UGT2A3: variants seen among roughly 807,000 people sequenced by gnomAD.
The protein encoded by UGT2A3 is UDP-glucuronosyltransferase 2A3.
UGT2A3 carries 55 observed loss-of-function variants against 44.1 expected under a neutral mutation model. That is an observed-to-expected ratio of 1.25 (90% CI 1.00 to 1.56). The LOEUF is 1.56. UGT2A3 is among the 40% of genes most tolerant of loss of function. UGT2A3 has a pLI of 0.00. For synonymous variants in UGT2A3, 243 were observed against 215.1 expected, an observed-to-expected ratio of 1.13 and a Z score of -1.13; for missense variants, 733 against 621.6, an observed-to-expected ratio of 1.18 and a Z score of -1.91.
Position 68,951,290 on chromosome 4 carries a change from C to T in UGT2A3, c.471G>A (p.Leu157=). The T allele has an allele frequency of 1.2e-6, 2 of 1,611,892 alleles. No homozygotes were observed. The highest frequency in any genetic ancestry group is 1.7e-6 in the Non-Finnish European group (2 of 1,179,028). Residue 157 remains leucine, a synonymous_variant, in exon 1 of 6, where the codon CTG becomes CTA. Coordinates refer to ENST00000251566, the MANE Select transcript of UGT2A3 (RefSeq NM_024743.4). Reference sequence around the variant, plus strand: ...AAGGGACTGCAAGCAACTCAGCCATCAGGTCTCCACAGGGAATCACAGGGT... The same window carrying T: ...AAGGGACTGCAAGCAACTCAGCCATTAGGTCTCCACAGGGAATCACAGGGT... ...LIDPVIPCGD[L]MAELLAVPFV... is the part of the protein sequence containing the mutation.
intron 2 of UGT2A3, among the ~76,000 whole-genome samples, chr4:68,937,852 A>G (rs1185452993): frequency 6.6e-6 from 1 of 152,126 alleles, no homozygotes; most frequent in African/African-American, 2.4e-5. Flanking sequence ...AAAATCAAAT[A>G]GACACAATAA....
intron 2 of UGT2A3, 38 bp downstream of exon 2, chr4:68,945,268 C>A: frequency 6.2e-7 from 1 of 1,606,456 alleles, no homozygotes; most frequent in South Asian, 1.1e-5. Flanking sequence ...CAAGTCATGT[C>A]ATAAAGTACA....
chr4:68,930,035 G>A lies in UGT2A3; in HGVS notation c.1362C>T (p.Pro454=). The A allele has an allele frequency of 6.2e-7, 1 of 1,613,374 alleles. No individual in the cohort carries two copies. Among genetic ancestry groups the A allele is most frequent in the Non-Finnish European group, 8.5e-7 (1 of 1,179,616 alleles). Residue 454 remains proline, a synonymous_variant, in exon 6 of 6, where the codon CCC becomes CCT. Transcript: ENST00000251566. ...SRIHHDQPVK[P]LDRAVFWIEF... is the part of the protein sequence containing the mutation. ...CGATCCAGAAGACTGCTCGATCTAG[G>A]GGCTTTACAGGTTGATCATGGTGAA...
chr4:68,948,579 C>CT lies in UGT2A3; in HGVS notation c.715+2466dup, dbSNP rs1378108492. 2.6e-5 allele frequency among the ~76,000 whole-genome samples: 4 copies of CT among 151,314 alleles called. No homozygotes were observed. The East Asian group carries it at 7.9e-4, about 30-fold the overall frequency. Reference sequence around the variant, plus strand: ...TCTCCCACCTGAGCCTCCCAAGTTACTGGGATTACAGATATGAATCACTGC... The same window carrying CT: ...TCTCCCACCTGAGCCTCCCAAGTTACTTGGGATTACAGATATGAATCACTGC... On this transcript the variant is annotated intron_variant, in intron 1 of 5. Transcript: ENST00000251566.
At chr4:68,947,871 C>T (rs562184592) in intron 1 of UGT2A3, among the ~76,000 whole-genome samples, 2 of 151,848 alleles carry the variant, frequency 1.3e-5, no homozygotes, top group Non-Finnish European at 2.9e-5. Context: ...TTAAAATATT[C>T]AATAAGCCAT....
Position 68,951,457 on chromosome 4 carries a change from A to C in UGT2A3, c.304T>G (p.Ser102Ala). Residue 102 changes from serine to alanine, a missense_variant, in exon 1 of 6, where the codon TCA becomes GCA. By Grantham distance (99) the Ser-to-Ala change is moderately conservative (BLOSUM62 1). Coordinates refer to ENST00000251566, the MANE Select transcript of UGT2A3 (RefSeq NM_024743.4). ...DLALNVLPGL[S>A]TWQSVIKLND... ...AATTTTATAACTGATTGCCAGGTTG[A>C]TAAGCCTGGCAAGACATTCAGAGCT... 6.2e-7 allele frequency: 1 copy of C among 1,612,348 alleles called. No homozygotes were observed. The highest frequency in any genetic ancestry group is 8.5e-7 in the Non-Finnish European group (1 of 1,179,178).
chr4:68,945,870 A>G (rs573259960), intron 1 of UGT2A3, among the ~76,000 whole-genome samples: 1 of 151,806 alleles, frequency 6.6e-6, no homozygotes, highest in Non-Finnish European at 1.5e-5. Context: ...TGCAGATGAT[A>G]AATGAGTACC....
chr4:68,951,513 C>T lies in UGT2A3; in HGVS notation c.248G>A (p.Arg83Lys), dbSNP rs577150278. Residue 83 changes from arginine to lysine, a missense_variant, in exon 1 of 6, where the codon AGA becomes AAA. Arg to Lys is a conservative substitution (Grantham distance 26, BLOSUM62 2). Transcript: ENST00000251566. ...AACAAATATTTCATTTTCTTCTGTT[C>T]TGTCCTGTGGCATATGGACCACCTC... ...KFEVVHMPQD[R>K]TEENEIFVDL... is the part of the protein sequence containing the mutation. 26 of 1,612,738 alleles carry T rather than the reference C, an allele frequency of 1.6e-5. No homozygotes were observed. Among genetic ancestry groups the T allele is most frequent in the Non-Finnish European group, 2.0e-5 (24 of 1,179,364 alleles).
intron 2 of UGT2A3, among the ~76,000 whole-genome samples, chr4:68,933,824 C>T (rs1577845913): frequency 6.6e-6 from 1 of 151,898 alleles, no homozygotes; most frequent in South Asian, 2.1e-4. Context: ...TAAGTCTTCC[C>T]CAGACAGGAA....
At chr4:68,937,070 T>C (rs1717980780) in intron 2 of UGT2A3, among the ~76,000 whole-genome samples, 1 of 151,924 alleles carries the variant, frequency 6.6e-6, no homozygotes, top group East Asian at 1.9e-4. Context: ...CCCAGATTCA[T>C]AAAGCAAGTC....
Position 68,943,260 on chromosome 4 carries a change from G to A in UGT2A3, c.864+2046C>T, listed in dbSNP as rs543146513. On this transcript the variant is annotated intron_variant, in intron 2 of 5. Coordinates refer to ENST00000251566, the MANE Select transcript of UGT2A3 (RefSeq NM_024743.4). ...AAAACTGGGAGTGTGGGAATAAAGG[G>A]TAGAATGGCATGGGAGATTACCTAG... 89 of 1,127,850 alleles carry A rather than the reference G, an allele frequency of 7.9e-5. 1 individual carries two copies. The East Asian group carries it at 3.8e-3, about 48-fold the overall frequency. 69.9% of individuals were successfully genotyped at this position (1,127,850 alleles called of 1,614,324 possible).
intron 2 of UGT2A3, among the ~76,000 whole-genome samples, chr4:68,934,895 A>T (rs1011892550): frequency 3.9e-5 from 6 of 151,928 alleles, no homozygotes; most frequent in Admixed American, 2.6e-4. Flanking sequence ...CTTAAAAAAA[A>T]GGAAAAAAAT....
rs770227421 is a variant in UGT2A3, at chr4:68,945,356, A to T, written c.814T>A (p.Phe272Ile). The change falls in exon 2 of 6, where the codon TTT becomes ATT. Residue 272 changes from phenylalanine (F) to isoleucine (I), a missense_variant. Coordinates refer to ENST00000251566, the MANE Select transcript of UGT2A3 (RefSeq NM_024743.4). Reference sequence around the variant, plus strand: ...CAGTGCAATCCTCCAACAAACTCAAAGTTAGGTTGGTATGGTTGAGGAAAT... The same window carrying T: ...CAGTGCAATCCTCCAACAAACTCAATGTTAGGTTGGTATGGTTGAGGAAAT... Reference protein sequence around the residue: ...FEFPQPYQPNFEFVGGLHCKP... With the variant: ...FEFPQPYQPNIEFVGGLHCKP... The T allele has an allele frequency of 6.2e-7, 1 of 1,611,500 alleles. No individual in the cohort carries two copies. Among genetic ancestry groups the T allele is most frequent in the South Asian group, 1.1e-5 (1 of 90,982 alleles).
intron 3 of UGT2A3, among the ~76,000 whole-genome samples, chr4:68,932,394 G>A (rs10024664): frequency 0.73 from 110,671 of 151,398 alleles, 42,032 homozygotes; most frequent in Non-Finnish European, 0.86. Context: ...TATAAGGTAG[G>A]GCTTTATTTA....
intron 2 of UGT2A3, among the ~76,000 whole-genome samples, chr4:68,935,900 G>C (rs2109782121): frequency 1.3e-5 from 2 of 152,212 alleles, no homozygotes; most frequent in African/African-American, 4.8e-5. Flanking sequence ...CATAGCATGA[G>C]AACGTCATGA....
intron 5 of UGT2A3, among the ~76,000 whole-genome samples, 186 bp from the exon 6 acceptor site, chr4:68,930,278 G>T (rs879591074): frequency 1.3e-5 from 2 of 152,002 alleles, no homozygotes; most frequent in Admixed American, 6.6e-5. Context: ...GACTGAAAGA[G>T]TATATTCTTA....
chr4:68,932,210 C>A (rs2109777423), intron 3 of UGT2A3, among the ~76,000 whole-genome samples: 1 of 151,460 alleles, frequency 6.6e-6, no homozygotes, highest in Middle Eastern at 3.5e-3. Flanking sequence ...TATTTCTAAG[C>A]AAAACTACCC....
chr4:68,943,270 A>G, intron 2 of UGT2A3: 1 of 1,209,296 alleles, frequency 8.3e-7, no homozygotes, highest in South Asian at 1.3e-5. Context: ...GTAGAATGGC[A>G]TGGGAGATTA....
At chr4:68,946,090 A>C (rs1333894933) in intron 1 of UGT2A3, among the ~76,000 whole-genome samples, 1 of 151,608 alleles carries the variant, frequency 6.6e-6, no homozygotes, top group Non-Finnish European at 1.5e-5. Context: ...ACCTATGTAC[A>C]TGCTATGATA....
Sources: gnomAD v4.1 joint callset for allele counts (sites outside exome capture counted in the v4.1 genomes callset) on GRCh38, gnomAD v4.1.1 for gene constraint, MANE v1.5 for transcripts, NCBI Gene and HGNC (gene_info 2026-07-23, HGNC 2026-07-21) for gene names.